TBC1D5: variants seen among roughly 807,000 people sequenced by gnomAD.
The protein encoded by TBC1D5 is TBC1 domain family, member 5.
TBC1D5 carries 75 observed loss-of-function variants against 100.3 expected under a neutral mutation model. The observed-to-expected ratio is 0.75, with a 90% CI of 0.62 to 0.91. The LOEUF is 0.91. Ranked by LOEUF, TBC1D5 falls within the 40% of genes least tolerant of loss-of-function variation. The pLI, the probability that TBC1D5 is intolerant of heterozygous loss-of-function variation, is 0.00. For synonymous variants in TBC1D5, 323 were observed against 325.6 expected (o/e 0.99, Z 0.09); for missense variants, 910 against 942.4 (o/e 0.97, Z 0.45).
At chr3:17,425,322 T>C (rs1003048768) in intron 4 of TBC1D5, among the ~76,000 whole-genome samples, 10 of 152,168 alleles carry the variant, frequency 6.6e-5, no homozygotes, top group African/African-American at 2.4e-4. Context: ...TACACTATGT[T>C]TAAACATTGT....
chr3:17,453,729 C>G (rs2094983205), intron 3 of TBC1D5, among the ~76,000 whole-genome samples: 1 of 152,076 alleles, frequency 6.6e-6, no homozygotes, highest in African/African-American at 2.4e-5. Flanking sequence ...TCAAACTGTT[C>G]CAAAAACTAG....
At chr3:17,263,906 TAAGTTA>T (rs1355573472) in intron 15 of TBC1D5, among the ~76,000 whole-genome samples, 1 of 152,236 alleles carries the variant, frequency 6.6e-6, no homozygotes, top group East Asian at 1.9e-4. Context: ...GAAATCGATC[TAAGTTA>T]TAGTTAACTC....
chr3:17,389,628 T>G (rs1313320767), intron 8 of TBC1D5, among the ~76,000 whole-genome samples: 4 of 152,128 alleles, frequency 2.6e-5, no homozygotes, highest in Admixed American at 2.6e-4. Flanking sequence ...AACCTTCAGA[T>G]GATTCCAGAC....
chr3:17,473,854 T>C (rs2095408605), intron 3 of TBC1D5, among the ~76,000 whole-genome samples: 1 of 152,158 alleles, frequency 6.6e-6, no homozygotes, highest in African/African-American at 2.4e-5. Context: ...TCATTCTTTT[T>C]ACCTGTTCTG....
At position 17,403,173 on chromosome 3, in the gene TBC1D5, C is replaced by T. The variant is rs1575720571; in HGVS notation, c.509+8G>A. The T allele has an allele frequency of 6.4e-7, 1 of 1,572,430 alleles. No individual in the cohort carries two copies. The highest frequency in any genetic ancestry group is 2.3e-5 in the East Asian group (1 of 43,774). ...TATTGAAAGTAACATGTAAATAGTT[C>T]TACATACGTTCTTTTGACATCTTGT... On this transcript the variant is annotated splice_region_variant and intron_variant, in intron 8 of 21. Transcript: ENST00000253692.
intron 17 of TBC1D5, among the ~76,000 whole-genome samples, chr3:17,216,351 C>T (rs940978683): frequency 6.6e-6 from 1 of 152,076 alleles, no homozygotes; most frequent in Non-Finnish European, 1.5e-5. Flanking sequence ...ATCTTGCCTG[C>T]AGAGTTCCCC....
intron 1 of TBC1D5, among the ~76,000 whole-genome samples, chr3:17,709,498 A>G (rs1032296440): frequency 6.6e-6 from 1 of 152,222 alleles, no homozygotes; most frequent in African/African-American, 2.4e-5. Flanking sequence ...ATTCCTGCTT[A>G]TCAGTTCTAT....
intron 14 of TBC1D5, 125 bp downstream of exon 14, chr3:17,307,867 A>G: frequency 8.3e-7 from 1 of 1,207,358 alleles, no homozygotes; most frequent in Non-Finnish European, 1.2e-6. Context: ...TCAGTATATT[A>G]CCCTACTACA....
At chr3:17,256,073 TA>T (rs2077641704) in intron 16 of TBC1D5, among the ~76,000 whole-genome samples, 1 of 152,156 alleles carries the variant, frequency 6.6e-6, no homozygotes, top group Admixed American at 6.5e-5. Flanking sequence ...GAAATAAGAT[TA>T]AAAAGTCTTC....
intron 3 of TBC1D5, among the ~76,000 whole-genome samples, chr3:17,480,401 C>A (rs2095488388): frequency 6.6e-6 from 1 of 152,208 alleles, no homozygotes; most frequent in Non-Finnish European, 1.5e-5. Context: ...CCAGGTGAAG[C>A]CCCTGCCAGG....
intron 1 of TBC1D5, among the ~76,000 whole-genome samples, chr3:17,699,714 T>C (rs925315071): frequency 8.6e-5 from 13 of 150,880 alleles, no homozygotes; most frequent in Non-Finnish European, 1.8e-4. Flanking sequence ...TATATAGTTT[T>C]AATTGTCCAA....
At chr3:17,647,426 T>C (rs73167523) in intron 1 of TBC1D5, among the ~76,000 whole-genome samples, 7,625 of 152,126 alleles carry the variant, frequency 0.05, 609 homozygotes, top group African/African-American at 0.17. Context: ...GAAGTTGGCG[T>C]AGGGAAAGGA....
intron 1 of TBC1D5, among the ~76,000 whole-genome samples, chr3:17,650,782 T>C (rs2065473915): frequency 6.6e-6 from 1 of 152,188 alleles, no homozygotes; most frequent in African/African-American, 2.4e-5. Context: ...AAATCTTAGC[T>C]GGTAACTCAA....
At chr3:17,524,992 T>C (rs539225725) in intron 2 of TBC1D5, among the ~76,000 whole-genome samples, 1 of 151,288 alleles carries the variant, frequency 6.6e-6, no homozygotes, top group African/African-American at 2.4e-5. Context: ...ATGCTACCTG[T>C]ATGACCCCAT....
At chr3:17,349,126 G>A (rs2090252833) in intron 13 of TBC1D5, among the ~76,000 whole-genome samples, 1 of 152,150 alleles carries the variant, frequency 6.6e-6, no homozygotes, top group Admixed American at 6.6e-5. Context: ...CTTTCTTTGG[G>A]ATTCTATACA....
chr3:17,204,269 G>A (rs943351745), intron 18 of TBC1D5, among the ~76,000 whole-genome samples: 2 of 152,156 alleles, frequency 1.3e-5, no homozygotes, highest in Non-Finnish European at 2.9e-5. Flanking sequence ...ACCTCCAATT[G>A]CCCAGACAAG....
At chr3:17,494,068 A>T (rs933805672) in intron 3 of TBC1D5, among the ~76,000 whole-genome samples, 1 of 152,068 alleles carries the variant, frequency 6.6e-6, no homozygotes, top group African/African-American at 2.4e-5. Flanking sequence ...ATCTACCTTC[A>T]ATCTTTGAGG....
chr3:17,717,732 T>A (rs1176712822), intron 1 of TBC1D5, among the ~76,000 whole-genome samples: 1 of 152,292 alleles, frequency 6.6e-6, no homozygotes, highest in Admixed American at 6.5e-5. Context: ...GCCACCAATA[T>A]CCTCCATACT....
At chr3:17,326,154 A>G (rs1032298937) in intron 13 of TBC1D5, among the ~76,000 whole-genome samples, 1 of 152,208 alleles carries the variant, frequency 6.6e-6, no homozygotes, top group Non-Finnish European at 1.5e-5. Context: ...TATAGAATCC[A>G]GCATAAAATT....
Sources: gnomAD v4.1 joint callset for allele counts (sites outside exome capture counted in the v4.1 genomes callset) on GRCh38, gnomAD v4.1.1 for gene constraint, MANE v1.5 for transcripts, NCBI Gene and HGNC (gene_info 2026-07-23, HGNC 2026-07-21) for gene names.